ZFPM2: variants seen among roughly 807,000 people sequenced by gnomAD.
ZFPM2 encodes zinc finger protein, FOG family member 2.
Under a neutral mutation model 98.6 loss-of-function variants are expected in ZFPM2, and 20 were observed. The ratio of observed to expected loss-of-function variants is 0.20; its 90% CI spans 0.14 to 0.29. The LOEUF is 0.29. ZFPM2 is among the 10% of genes least tolerant of loss of function. The probability of loss-of-function intolerance (pLI) is 1.00; values close to 1 mark genes in which losing one functional copy is unlikely to be tolerated. For missense variants in ZFPM2, 1,310 were observed against 1,388.6 expected (o/e 0.94, Z 0.90); for synonymous variants, 518 against 502.7 (o/e 1.03, Z -0.41).
At chr8:105,581,067 C>T (rs983688882) in intron 4 of ZFPM2, among the ~76,000 whole-genome samples, 8 of 151,842 alleles carry the variant, frequency 5.3e-5, no homozygotes, top group Non-Finnish European at 1.2e-4. Flanking sequence ...CATGGAAATA[C>T]TTATTTTATC....
At chr8:105,411,211 TTGC>T (rs916381404) in intron 1 of ZFPM2, among the ~76,000 whole-genome samples, 4 of 151,894 alleles carry the variant, frequency 2.6e-5, no homozygotes, top group South Asian at 2.1e-4. Context: ...GGTAATATTC[TTGC>T]TGCTTTCAGT....
chr8:105,731,961 G>T (rs143548592), intron 5 of ZFPM2, among the ~76,000 whole-genome samples: 1 of 151,816 alleles, frequency 6.6e-6, no homozygotes, highest in East Asian at 2.0e-4. Flanking sequence ...ATAACTGATG[G>T]AGAATTGTGA....
At chr8:105,687,359 A>C (rs750260923) in intron 5 of ZFPM2, among the ~76,000 whole-genome samples, 1 of 152,226 alleles carries the variant, frequency 6.6e-6, no homozygotes, top group African/African-American at 2.4e-5. Flanking sequence ...CCACAAAACT[A>C]TACATTTGTA....
Position 105,799,054 on chromosome 8 carries a change from T to G in ZFPM2, c.964+106T>G, listed in dbSNP as rs1813922548. ...CTATATCTGTCTATCTGTAGCTATC[T>G]ATAACATCAAAATCAAACTTTCTGG... On this transcript the variant is annotated intron_variant, in intron 7 of 7. Coordinates refer to ENST00000407775, the MANE Select transcript of ZFPM2 (RefSeq NM_012082.4). The G allele has an allele frequency of 4.7e-6, 5 of 1,059,498 alleles. 1 individual carries two copies. In the South Asian group the frequency reaches 8.7e-5, roughly 18 times the overall value. 65.6% of individuals were successfully genotyped at this position (1,059,498 alleles called of 1,614,324 possible).
rs1403884162 is a variant in ZFPM2 at position 105,318,908 on chromosome 8, C to T, written c.-34C>T. The T allele has an allele frequency of 3.9e-5, 53 of 1,350,206 alleles. No homozygotes were observed. Among genetic ancestry groups the T allele is most frequent in the Admixed American group, 7.9e-5 (3 of 38,204 alleles). 83.6% of individuals were successfully genotyped at this position (1,350,206 alleles called of 1,614,324 possible). On this transcript the variant is annotated 5_prime_UTR_variant, in exon 1 of 8. Coordinates refer to ENST00000407775, the MANE Select transcript of ZFPM2 (RefSeq NM_012082.4). ...GAGCGGCAGCCGCGACCGCGGGCACCGCGGGAGCCCCAGCGGCAGCAGCCG... is the reference window on the plus strand; with the variant it reads ...GAGCGGCAGCCGCGACCGCGGGCACTGCGGGAGCCCCAGCGGCAGCAGCCG...
At chr8:105,785,440 A>G (rs1261084005) in intron 5 of ZFPM2, among the ~76,000 whole-genome samples, 1 of 109,854 alleles carries the variant, frequency 9.1e-6, no homozygotes, top group Non-Finnish European at 1.7e-5. Context: ...ACAAAAGTGT[A>G]AGTCACAGTT....
rs376908484 is a variant in ZFPM2, at chr8:105,802,056, C to A, written c.1974C>A (p.Asn658Lys). 3 of 1,613,772 alleles carry A rather than the reference C, an allele frequency of 1.9e-6. No homozygotes were observed. The highest frequency in any genetic ancestry group is 1.3e-5 in the African/African-American group (1 of 75,042). Reference sequence around the variant, plus strand: ...CTAAGAAGCTCTCCACCTCCAGTAACAATGATGACAAAATTAATGGAAAAC... The same window carrying A: ...CTAAGAAGCTCTCCACCTCCAGTAAAAATGATGACAAAATTAATGGAAAAC... ...TQTKKLSTSS[N>K]NDDKINGKPV... Residue 658 changes from asparagine (N) to lysine (K), a missense_variant, in exon 8 of 8, where the codon AAC becomes AAA. Coordinates refer to ENST00000407775, the MANE Select transcript of ZFPM2 (RefSeq NM_012082.4).
chr8:105,334,114 T>TAA (rs1812282634), intron 1 of ZFPM2, among the ~76,000 whole-genome samples: 1 of 129,284 alleles, frequency 7.7e-6, no homozygotes, highest in Admixed American at 7.8e-5. Context: ...CTGCTAGTAA[T>TAA]AAACTGTGTG....
chr8:105,407,878 G>C (rs965968051), intron 1 of ZFPM2, among the ~76,000 whole-genome samples: 4 of 151,890 alleles, frequency 2.6e-5, no homozygotes, highest in African/African-American at 9.7e-5. Context: ...TGCATATGAT[G>C]CCATATAGAC....
rs372974450 is a variant in ZFPM2 at position 105,565,316 on chromosome 8, C to T, written c.420+3835C>T. ...TCTTGGAATTATATAACACACTGAACATAGAAATAGAGTATCTTTTGTCCA... is the reference window on the plus strand; with the variant it reads ...TCTTGGAATTATATAACACACTGAATATAGAAATAGAGTATCTTTTGTCCA... On this transcript the variant is annotated intron_variant, in intron 4 of 7. Coordinates refer to ENST00000407775, the MANE Select transcript of ZFPM2 (RefSeq NM_012082.4). 2.0e-4 allele frequency among the ~76,000 whole-genome samples: 30 copies of T among 152,206 alleles called. 1 individual carries two copies. The highest frequency in any genetic ancestry group is 7.2e-4 in the African/African-American group (30 of 41,536).
chr8:105,510,819 C>A (rs530567349), intron 3 of ZFPM2, among the ~76,000 whole-genome samples: 4 of 152,174 alleles, frequency 2.6e-5, no homozygotes, highest in Non-Finnish European at 4.4e-5. Context: ...GGGTCTGCCC[C>A]CTGAAACCTC....
chr8:105,319,304 AGTCC>A (rs1811973751), intron 1 of ZFPM2, among the ~76,000 whole-genome samples: 1 of 152,172 alleles, frequency 6.6e-6, no homozygotes, highest in Admixed American at 6.5e-5. Flanking sequence ...CCGGAGGGGC[AGTCC>A]CGCTCCTTTA....
chr8:105,747,437 CTGAGT>C (rs1199517887), intron 5 of ZFPM2, among the ~76,000 whole-genome samples: 3 of 152,016 alleles, frequency 2.0e-5, no homozygotes, highest in Non-Finnish European at 4.4e-5. Flanking sequence ...GTAATGTTCT[CTGAGT>C]TAAGTTTTAC....
chr8:105,678,297 A>C (rs1428094817), intron 5 of ZFPM2, among the ~76,000 whole-genome samples: 1 of 152,212 alleles, frequency 6.6e-6, no homozygotes, highest in East Asian at 1.9e-4. Context: ...GCTGCTAGTC[A>C]CATGCAATAG....
chr8:105,323,677 G>GT, intron 1 of ZFPM2, among the ~76,000 whole-genome samples: 1 of 151,954 alleles, frequency 6.6e-6, no homozygotes, highest in African/African-American at 2.4e-5. Flanking sequence ...CAAATCTTAA[G>GT]ATGACCAATA....
At chr8:105,450,165 G>A (rs938397158) in intron 3 of ZFPM2, among the ~76,000 whole-genome samples, 1 of 152,076 alleles carries the variant, frequency 6.6e-6, no homozygotes, top group Non-Finnish European at 1.5e-5. Context: ...CAACATTATG[G>A]ATATATACAG....
At chr8:105,746,523 C>T (rs965539682) in intron 5 of ZFPM2, among the ~76,000 whole-genome samples, 1 of 151,894 alleles carries the variant, frequency 6.6e-6, no homozygotes, top group African/African-American at 2.4e-5. Context: ...TTACTAGTTA[C>T]AAATTTTTGC....
At chr8:105,357,463 T>C (rs1812770278) in intron 1 of ZFPM2, among the ~76,000 whole-genome samples, 1 of 152,220 alleles carries the variant, frequency 6.6e-6, no homozygotes, top group East Asian at 1.9e-4. Flanking sequence ...AGCAATGTGG[T>C]AAGCAGATGG....
intron 5 of ZFPM2, among the ~76,000 whole-genome samples, chr8:105,748,737 T>C (rs773055390): frequency 6.6e-6 from 1 of 152,098 alleles, no homozygotes. Flanking sequence ...AGTACTAAAC[T>C]GATAGCACCA....
Sources: allele counts gnomAD v4.1 joint callset (sites outside exome capture counted in the v4.1 genomes callset), GRCh38; gene constraint gnomAD v4.1.1; transcripts MANE v1.5; gene names NCBI Gene and HGNC (gene_info 2026-07-23, HGNC 2026-07-21).